The following TMEM41B variants were observed in gnomAD, a reference collection of about 807,000 sequenced individuals.
The protein encoded by TMEM41B is transmembrane protein 41B, also known as protein stasimon.
In TMEM41B, 18 loss-of-function variants were observed where a neutral mutation model predicts 31.9. That is an observed-to-expected ratio of 0.56 (90% CI 0.39 to 0.84). TMEM41B has a LOEUF of 0.84. TMEM41B is among the 40% of genes least tolerant of loss of function. The pLI is 0.00. For missense variants in TMEM41B, 322 were observed against 348.0 expected, an observed-to-expected ratio of 0.93 and a Z score of 0.59; for synonymous variants, 144 against 124.3, an observed-to-expected ratio of 1.16 and a Z score of -1.05.
At position 9,310,323 on chromosome 11, in the gene TMEM41B, C is replaced by T. The variant is rs922523768; in HGVS notation, c.121+3998G>A. Among the ~76,000 whole-genome samples the T allele has an allele frequency of 3.3e-5, 5 of 151,998 alleles. No homozygotes were observed. In the South Asian group the frequency reaches 1.0e-3, roughly 32 times the overall value. ...TGCTGGGATTACAGGCATGAGCCACCATGTCAGCCTAAGTAATGTACATGA... is the reference window on the plus strand; with the variant it reads ...TGCTGGGATTACAGGCATGAGCCACTATGTCAGCCTAAGTAATGTACATGA... On this transcript the variant is annotated intron_variant, in intron 1 of 6. Coordinates refer to ENST00000528080, the MANE Select transcript of TMEM41B (RefSeq NM_015012.4).
chr11:9,308,034 C>A (rs1388811327), intron 1 of TMEM41B, among the ~76,000 whole-genome samples: 1 of 152,142 alleles, frequency 6.6e-6, no homozygotes, highest in Non-Finnish European at 1.5e-5. Context: ...CCGCGCCCAG[C>A]CTTAAAATCA....
At chr11:9,296,736 A>G (rs1393399940) in intron 2 of TMEM41B, among the ~76,000 whole-genome samples, 1 of 152,190 alleles carries the variant, frequency 6.6e-6, no homozygotes, top group Non-Finnish European at 1.5e-5. Flanking sequence ...TTAAGTAAAA[A>G]TGTAACAAAT....
chr11:9,287,783 G>A lies in TMEM41B; in HGVS notation c.486C>T (p.Phe162=). Reference sequence around the variant, plus strand: ...CAACTAAATAGGAAAGCATATAACAGAAAGAGGCACCAAGTCCAGAACACT... The same window carrying A: ...CAACTAAATAGGAAAGCATATAACAAAAAGAGGCACCAAGTCCAGAACACT... ...VCLCSGLGAS[F]CYMLSYLVGR... Residue 162 remains phenylalanine, a synonymous_variant, in exon 5 of 7, where the codon TTC becomes TTT. Transcript: ENST00000528080. 6.2e-7 allele frequency: 1 copy of A among 1,612,890 alleles called. No individual in the cohort carries two copies. Among genetic ancestry groups the A allele is most frequent in the Non-Finnish European group, 8.5e-7 (1 of 1,179,628 alleles).
At chr11:9,312,903 CAAAAAAAA>C (rs36030741) in intron 1 of TMEM41B, among the ~76,000 whole-genome samples, 6 of 95,340 alleles carry the variant, frequency 6.3e-5, no homozygotes, top group African/African-American at 1.2e-4. Context: ...GACTCCGTCT[CAAAAAAAA>C]AAAAAAAAAA....
chr11:9,298,123 C>T (rs1853145384), intron 2 of TMEM41B, among the ~76,000 whole-genome samples: 1 of 149,708 alleles, frequency 6.7e-6, no homozygotes, highest in African/African-American at 2.5e-5. Flanking sequence ...CAGTAAGATA[C>T]CCAGTAAACT....
chr11:9,283,973 G>A (rs1008483687), intron 6 of TMEM41B, among the ~76,000 whole-genome samples: 3 of 151,704 alleles, frequency 2.0e-5, no homozygotes, highest in Non-Finnish European at 2.9e-5. Flanking sequence ...CAGTAGAGAT[G>A]GGGTTTCTCC....
In TMEM41B at chr11:9,282,776, A is replaced by T. The variant is rs950292349; in HGVS notation, c.*648T>A. 6.6e-6 allele frequency: 1 copy of T among 151,932 alleles called. No individual in the cohort carries two copies. Among genetic ancestry groups the T allele is most frequent in the African/African-American group, 2.4e-5 (1 of 41,324 alleles). The allele number at this position is 151,932 out of a possible 1,614,324, so 9.4% of individuals were successfully genotyped here. A position where few individuals can be genotyped will look rare whatever the true frequency, so the allele number is the denominator to read the frequency against. ...GTGAAACCCCGTCTCTACTAAAAAT[A>T]CAAAAAAATTAGCTGGGCATGGTGG... is the stretch of plus-strand genomic sequence containing the variant. On this transcript the variant is annotated 3_prime_UTR_variant, in exon 7 of 7. Transcript: ENST00000528080.
In TMEM41B at chr11:9,286,590, C is replaced by A; in HGVS notation, c.571G>T (p.Glu191Ter). 6.3e-7 allele frequency: 1 copy of A among 1,597,086 alleles called. No homozygotes were observed. Among genetic ancestry groups the A allele is most frequent in the South Asian group, 1.1e-5 (1 of 87,792 alleles). The change falls in exon 6 of 7, where the codon GAA (glutamate) becomes TAA (stop). Residue 191 changes from glutamate to a stop codon, truncating the protein, a stop_gained. Coordinates refer to ENST00000528080, the MANE Select transcript of TMEM41B (RefSeq NM_015012.4). LOFTEE classifies it high-confidence loss of function. Reference sequence around the variant, plus strand: ...TTAATGAGATGTTCTCTATGACGTTCAACCTGTCATAAGAAAGAAAAGAAT... The same window carrying A: ...TTAATGAGATGTTCTCTATGACGTTAAACCTGTCATAAGAAAGAAAAGAAT... Reference protein sequence around the residue: ...EKAVKWSQQVERHREHLINYI... With the variant: ...EKAVKWSQQV
chr11:9,311,831 CA>C (rs1180783334), intron 1 of TMEM41B: 2 of 523,062 alleles, frequency 3.8e-6, no homozygotes, highest in Non-Finnish European at 6.9e-6. Flanking sequence ...CTGCCTTACT[CA>C]AGTAGTCAAA....
intron 2 of TMEM41B, among the ~76,000 whole-genome samples, chr11:9,297,476 G>A (rs895490423): frequency 5.3e-5 from 8 of 152,024 alleles, no homozygotes; most frequent in Non-Finnish European, 1.2e-4. Flanking sequence ...GGTGGATCAC[G>A]AGGTCAGGAG....
At chr11:9,288,607 A>G in intron 3 of TMEM41B, 72 bp from the exon 4 acceptor site, 3 of 1,090,036 alleles carry the variant, frequency 2.8e-6, no homozygotes, top group Non-Finnish European at 3.9e-6. Context: ...ACATTTCAGG[A>G]AAAAAGTATA....
chr11:9,307,769 C>T (rs935473691), intron 1 of TMEM41B, among the ~76,000 whole-genome samples: 4 of 149,914 alleles, frequency 2.7e-5, no homozygotes, highest in African/African-American at 9.8e-5. Context: ...AATTTTATTT[C>T]GAGTCTTGCT....
chr11:9,314,345 G>A lies in TMEM41B; in HGVS notation c.97C>T (p.Pro33Ser). 6.3e-7 allele frequency: 1 copy of A among 1,595,600 alleles called. No individual in the cohort carries two copies. The highest frequency in any genetic ancestry group is 8.5e-7 in the Non-Finnish European group (1 of 1,173,594). ...CCCTTCTGGTGGTCTCTGCTGCCAG[G>A]CGCCGCGAGACCCCGCGTCCCCGCT... ...GAAGTRGLAA[P>S]GSRDHQKEKS... is the part of the protein sequence containing the mutation. Residue 33 changes from proline (P) to serine (S), a missense_variant, in exon 1 of 7, where the codon CCT becomes TCT. Coordinates refer to ENST00000528080, the MANE Select transcript of TMEM41B (RefSeq NM_015012.4).
At chr11:9,305,312 T>A (rs1853361927) in intron 1 of TMEM41B, among the ~76,000 whole-genome samples, 1 of 152,074 alleles carries the variant, frequency 6.6e-6, no homozygotes, top group Admixed American at 6.6e-5. Context: ...TAATTTATAA[T>A]TATAGGCCAG....
chr11:9,309,053 G>C (rs1191652659), intron 1 of TMEM41B, among the ~76,000 whole-genome samples: 2 of 152,078 alleles, frequency 1.3e-5, no homozygotes, highest in Non-Finnish European at 2.9e-5. Context: ...TTCAAGACCA[G>C]CCTGGCCAAC....
intron 1 of TMEM41B, among the ~76,000 whole-genome samples, chr11:9,311,932 C>T (rs1853570857): frequency 6.6e-6 from 1 of 152,156 alleles, no homozygotes; most frequent in Non-Finnish European, 1.5e-5. Context: ...TTGCAGATAG[C>T]ATGTAAAACA....
chr11:9,297,154 G>A (rs938770550), intron 2 of TMEM41B, among the ~76,000 whole-genome samples: 4 of 152,020 alleles, frequency 2.6e-5, no homozygotes, highest in African/African-American at 4.8e-5. Flanking sequence ...GCGTGATCTC[G>A]GCCCACTGCA....
rs147976106 is a variant in TMEM41B at position 9,286,492 on chromosome 11, G to A, written c.669C>T (p.Asn223=). The stretch of plus-strand genomic sequence containing the variant: ...CAATAAAAAAAACTTTCAATGGCAC[G>A]TTTATCACAGGAGATGTGATATTAA... ...WFINITSPVI[N]VPLKVFFIGT... The change falls in exon 6 of 7, where the codon AAC becomes AAT. Residue 223 remains asparagine (N), a synonymous_variant. Transcript: ENST00000528080. The A allele has an allele frequency of 5.2e-5, 84 of 1,611,536 alleles. No homozygotes were observed. In the African/African-American group the frequency reaches 8.5e-4, roughly 16 times the overall value.
intron 6 of TMEM41B, among the ~76,000 whole-genome samples, chr11:9,283,937 A>G (rs934670375): frequency 1.3e-5 from 2 of 151,970 alleles, no homozygotes; most frequent in African/African-American, 4.8e-5. Context: ...GGCATGTGCC[A>G]CCACACCCGG....
Sources: gnomAD v4.1 joint callset for allele counts (sites outside exome capture counted in the v4.1 genomes callset) on GRCh38, gnomAD v4.1.1 for gene constraint, MANE v1.5 for transcripts, NCBI Gene and HGNC (gene_info 2026-07-23, HGNC 2026-07-21) for gene names.